The following PUM2 variants were observed in gnomAD, a reference collection of about 807,000 sequenced individuals.
PUM2 encodes pumilio homolog 2.
Under a neutral mutation model 124.5 loss-of-function variants are expected in PUM2, and 57 were observed. The ratio of observed to expected loss-of-function variants is 0.46; its 90% CI spans 0.37 to 0.57. The LOEUF is 0.57. PUM2 is among the 20% of genes least tolerant of loss of function. PUM2 has a pLI of 0.00. For synonymous variants in PUM2, 460 were observed against 446.1 expected, an observed-to-expected ratio of 1.03 and a Z score of -0.39; for missense variants, 1,065 against 1,290.6, an observed-to-expected ratio of 0.83 and a Z score of 2.68.
intron 13 of PUM2, among the ~76,000 whole-genome samples, chr2:20,269,187 T>A (rs900054229): frequency 3.6e-4 from 55 of 151,772 alleles, no homozygotes; most frequent in African/African-American, 1.2e-3. Flanking sequence ...CTGAATAAAA[T>A]TTTAATAATA....
At chr2:20,306,774 A>G (rs2148512557) in intron 7 of PUM2, among the ~76,000 whole-genome samples, 2 of 151,888 alleles carry the variant, frequency 1.3e-5, no homozygotes, top group South Asian at 4.2e-4. Context: ...AGCCCAGCTA[A>G]TTTTTGTAAT....
chr2:20,276,212 C>CTAAAAATACATGTGTTGGTTATAA (rs1220454392), intron 13 of PUM2, among the ~76,000 whole-genome samples: 1 of 151,022 alleles, frequency 6.6e-6, no homozygotes, highest in African/African-American at 2.4e-5. Context: ...AGTCATCCTG[C>CTAAAAATACATGTGTTGGTTATAA]TAAAAATACA....
intron 10 of PUM2, among the ~76,000 whole-genome samples, chr2:20,286,301 T>C (rs1187295460): frequency 6.6e-6 from 1 of 152,128 alleles, no homozygotes; most frequent in Non-Finnish European, 1.5e-5. Flanking sequence ...AGTAGAAAGG[T>C]AGTTGAATTC....
rs564004566 is a variant in PUM2, at chr2:20,312,305, G to T, written c.279C>A (p.Ser93Arg). The change falls in exon 4 of 21, where the codon AGC (serine) becomes AGA (arginine). Residue 93 changes from serine (S) to arginine (R), a missense_variant. Ser to Arg is a moderately radical substitution (Grantham distance 110). This residue lies in a region of PUM2 where 7 missense variants were observed against 27.1 expected (regional missense o/e 0.26). Transcript: ENST00000361078. Reference sequence around the variant, plus strand: ...AAGAACTTAATACATATTCTACCATGCTCACACCAAGGCCTCCACTTTCTG... The same window carrying T: ...AAGAACTTAATACATATTCTACCATTCTCACACCAAGGCCTCCACTTTCTG... ...PRSESGGLGV[S>R]MVEYVLSSSP... 6.2e-7 allele frequency: 1 copy of T among 1,613,622 alleles called. No individual in the cohort carries two copies. Among genetic ancestry groups the T allele is most frequent in the East Asian group, 2.2e-5 (1 of 44,842 alleles).
chr2:20,285,042 C>T (rs1672407430), intron 10 of PUM2, among the ~76,000 whole-genome samples: 1 of 152,210 alleles, frequency 6.6e-6, no homozygotes, highest in Non-Finnish European at 1.5e-5. Flanking sequence ...ATTTACTTAA[C>T]ATCTGAATTT....
At position 20,250,209 on chromosome 2, in the gene PUM2, G is replaced by A. The variant is rs1289859215; in HGVS notation, c.*1376C>T. 6.6e-6 allele frequency: 1 copy of A among 152,450 alleles called. No individual in the cohort carries two copies. The allele number at this position is 152,450 out of a possible 1,614,324, so 9.4% of individuals were successfully genotyped here. A position where few individuals can be genotyped will look rare whatever the true frequency, so the allele number is the denominator to read the frequency against. Reference sequence around the variant, plus strand: ...AAATTCTAGCAGGTCCATATTAACAGTCAACAACTATGTTATAAAACAAAA... The same window carrying A: ...AAATTCTAGCAGGTCCATATTAACAATCAACAACTATGTTATAAAACAAAA... On this transcript the variant is annotated 3_prime_UTR_variant, in exon 21 of 21. Transcript: ENST00000361078.
Position 20,278,647 on chromosome 2 carries a change from T to C in PUM2, c.1893A>G (p.Pro631=), listed in dbSNP as rs1208066069. Residue 631 remains proline, a synonymous_variant, in exon 13 of 21, where the codon CCA becomes CCG. Transcript: ENST00000361078. ...ATGGCGGTGGCGTAAGTGAATGTCC[T>C]GGAGTTTGGCTTGGCAGAGGCATGC... is the stretch of plus-strand genomic sequence containing the variant. The part of the protein sequence containing the change: ...PIGMPLPSQT[P]GHSLTPPPSL... The C allele has an allele frequency of 1.9e-6, 3 of 1,613,530 alleles. No homozygotes were observed. Among genetic ancestry groups the C allele is most frequent in the Non-Finnish European group, 2.5e-6 (3 of 1,179,680 alleles).
intron 10 of PUM2, among the ~76,000 whole-genome samples, chr2:20,289,885 C>T (rs550961316): frequency 6.6e-6 from 1 of 152,240 alleles, no homozygotes; most frequent in South Asian, 2.1e-4. Flanking sequence ...AACCCATATA[C>T]GGACAACCAC....
intron 20 of PUM2, among the ~76,000 whole-genome samples, chr2:20,253,126 TA>T (rs1282663774): frequency 1.3e-5 from 2 of 152,186 alleles, no homozygotes; most frequent in Admixed American, 1.3e-4. Context: ...TACAGTTAAA[TA>T]AGATGAAGGC....
chr2:20,293,245 G>A (rs1042869448), intron 9 of PUM2, among the ~76,000 whole-genome samples: 5 of 152,168 alleles, frequency 3.3e-5, no homozygotes, highest in East Asian at 1.9e-4. Context: ...AGTGGGAGTC[G>A]TAAGTCCTTC....
intron 2 of PUM2, among the ~76,000 whole-genome samples, chr2:20,319,564 G>A (rs190949584): frequency 1.9e-3 from 296 of 152,290 alleles, no homozygotes; most frequent in Middle Eastern, 3.4e-3. Flanking sequence ...CTCACCTTTA[G>A]AGAGCTCACA....
chr2:20,342,275 TC>T (rs1451908191), intron 1 of PUM2, among the ~76,000 whole-genome samples: 11 of 152,318 alleles, frequency 7.2e-5, no homozygotes, highest in Admixed American at 7.2e-4. Flanking sequence ...TTTGGAATTT[TC>T]CTAAGTGTGC....
chr2:20,329,386 C>T (rs1394059071), intron 1 of PUM2, among the ~76,000 whole-genome samples: 3 of 142,726 alleles, frequency 2.1e-5, no homozygotes, highest in African/African-American at 7.9e-5. Context: ...GAGCCATGAG[C>T]GTACCACTGC....
At chr2:20,264,367 A>ATATATATAT (rs57739776) in intron 13 of PUM2, among the ~76,000 whole-genome samples, 1 of 26,612 alleles carries the variant, frequency 3.8e-5, no homozygotes, top group Non-Finnish European at 6.9e-5. Flanking sequence ...AAAAAAAAAA[A>ATATATATAT]ATATATATAT....
intron 1 of PUM2, among the ~76,000 whole-genome samples, chr2:20,349,723 CTCA>C (rs570306464): frequency 9.1e-4 from 139 of 152,256 alleles, no homozygotes; most frequent in African/African-American, 3.2e-3. Flanking sequence ...AAGCATTTTT[CTCA>C]TGTTTTCCTT....
chr2:20,299,376 G>A (rs886656039), intron 7 of PUM2, among the ~76,000 whole-genome samples: 2 of 151,948 alleles, frequency 1.3e-5, no homozygotes, highest in Non-Finnish European at 2.9e-5. Context: ...GGAAAAACAA[G>A]GTTTTAGGCC....
chr2:20,344,549 T>A (rs1687850428), intron 1 of PUM2, among the ~76,000 whole-genome samples: 1 of 152,182 alleles, frequency 6.6e-6, no homozygotes, highest in South Asian at 2.1e-4. Context: ...ATCTCTCCTA[T>A]CTCTCTTTTG....
chr2:20,255,097 C>A (rs929764897), intron 18 of PUM2, 113 bp from the exon 19 acceptor site: 1 of 1,465,050 alleles, frequency 6.8e-7, no homozygotes. Flanking sequence ...TAGGAGAATA[C>A]AACAGCCTTT....
At chr2:20,298,591 G>A (rs950798112) in intron 7 of PUM2, among the ~76,000 whole-genome samples, 4 of 152,182 alleles carry the variant, frequency 2.6e-5, no homozygotes, top group Admixed American at 6.5e-5. Flanking sequence ...ATAATAGGCC[G>A]GGCGTGGTGG....
Sources: allele counts gnomAD v4.1 joint callset (sites outside exome capture counted in the v4.1 genomes callset), GRCh38; gene constraint gnomAD v4.1.1; regional missense constraint gnomAD v4.1.1; transcripts MANE v1.5; gene names NCBI Gene and HGNC (gene_info 2026-07-23, HGNC 2026-07-21).